The following CHST9 variants were observed in gnomAD, a reference collection of about 807,000 sequenced individuals.
CHST9 encodes carbohydrate sulfotransferase 9.
A neutral mutation model predicts 44.4 loss-of-function variants in CHST9; 41 were observed. The observed-to-expected ratio is 0.92, with a 90% CI of 0.72 to 1.20. CHST9 has a LOEUF of 1.20. Ranked by LOEUF, CHST9 falls within the 50% of genes most tolerant of loss-of-function variation. CHST9 has a pLI of 0.00. For missense variants in CHST9, 504 were observed against 516.5 expected (o/e 0.98, Z 0.23); for synonymous variants, 171 against 178.4 (o/e 0.96, Z 0.33).
intron 4 of CHST9, among the ~76,000 whole-genome samples, chr18:26,968,167 T>C (rs375608074): frequency 6.6e-6 from 1 of 152,182 alleles, no homozygotes; most frequent in East Asian, 1.9e-4. Context: ...TTCCTTCGTA[T>C]ATGCATCTAT....
At chr18:27,058,367 C>T (rs1052137373) in intron 2 of CHST9, among the ~76,000 whole-genome samples, 2 of 152,216 alleles carry the variant, frequency 1.3e-5, no homozygotes, top group Middle Eastern at 3.4e-3. Context: ...AATGTTTATT[C>T]ACTCCTGTGC....
At chr18:27,139,482 AACACAC>A (rs10547483) in intron 2 of CHST9, among the ~76,000 whole-genome samples, 1 of 150,186 alleles carries the variant, frequency 6.7e-6, no homozygotes, top group Non-Finnish European at 1.5e-5. Context: ...TGTTATTTGA[AACACAC>A]ACACACACAC....
At chr18:26,959,871 T>A (rs2145148432) in intron 4 of CHST9, among the ~76,000 whole-genome samples, 1 of 152,234 alleles carries the variant, frequency 6.6e-6, no homozygotes, top group Middle Eastern at 3.4e-3. Context: ...GGATGGGGGA[T>A]CCTGGCAAAG....
At chr18:27,062,973 A>C (rs1057330213) in intron 2 of CHST9, among the ~76,000 whole-genome samples, 1 of 152,118 alleles carries the variant, frequency 6.6e-6, no homozygotes, top group African/African-American at 2.4e-5. Flanking sequence ...CAGGGCTCTG[A>C]CACCTCACCT....
chr18:27,045,742 A>G (rs570186984), intron 3 of CHST9, among the ~76,000 whole-genome samples: 28 of 152,166 alleles, frequency 1.8e-4, no homozygotes, highest in Admixed American at 1.8e-3. Flanking sequence ...GAATGATACC[A>G]AGTGATACAT....
At chr18:27,141,547 TGCTATC>T (rs1386657005) in intron 2 of CHST9, among the ~76,000 whole-genome samples, 1 of 126,622 alleles carries the variant, frequency 7.9e-6, no homozygotes, top group Non-Finnish European at 1.5e-5. Flanking sequence ...GCCAAGATCA[TGCTATC>T]GCTCTCCAGC....
At chr18:26,950,815 A>G (rs1006442086) in intron 4 of CHST9, among the ~76,000 whole-genome samples, 10 of 152,198 alleles carry the variant, frequency 6.6e-5, no homozygotes, top group Non-Finnish European at 1.2e-4. Context: ...CAGAATCACC[A>G]CTGAAGAACT....
At chr18:26,945,531 G>A (rs2056149132) in intron 4 of CHST9, among the ~76,000 whole-genome samples, 1 of 152,166 alleles carries the variant, frequency 6.6e-6, no homozygotes, top group Admixed American at 6.6e-5. Context: ...GAGCCTTTAA[G>A]GATTGGCTTT....
chr18:27,031,358 C>T (rs9950362), intron 3 of CHST9, among the ~76,000 whole-genome samples: 196 of 152,270 alleles, frequency 1.3e-3, no homozygotes, highest in African/African-American at 4.4e-3. Flanking sequence ...CTTCTTCCTG[C>T]CATTCCGGCA....
At chr18:27,004,540 A>G (rs1194480418) in intron 4 of CHST9, among the ~76,000 whole-genome samples, 1 of 151,984 alleles carries the variant, frequency 6.6e-6, no homozygotes, top group Non-Finnish European at 1.5e-5. Flanking sequence ...CGATAAATGT[A>G]TTTTTTCCCT....
chr18:27,142,872 C>T lies in CHST9; in HGVS notation c.-63G>A, dbSNP rs529087131. On this transcript the variant is annotated 5_prime_UTR_variant, in exon 2 of 6. Coordinates refer to ENST00000618847, the MANE Select transcript of CHST9 (RefSeq NM_031422.6). ...TTTTCCCGTAAAACTTCAGTCTTTTCTTGTTCTCTAAGAGCCCAATTCCAT... is the reference window on the plus strand; with the variant it reads ...TTTTCCCGTAAAACTTCAGTCTTTTTTTGTTCTCTAAGAGCCCAATTCCAT... 7.2e-4 allele frequency: 1,092 copies of T among 1,521,434 alleles called. 2 individuals are homozygous for T. Among genetic ancestry groups the T allele is most frequent in the Middle Eastern group, 2.3e-3 (13 of 5,762 alleles). 94.2% of individuals were successfully genotyped at this position (1,521,434 alleles called of 1,614,324 possible).
At chr18:26,953,608 A>G (rs2056281566) in intron 4 of CHST9, among the ~76,000 whole-genome samples, 1 of 152,170 alleles carries the variant, frequency 6.6e-6, no homozygotes, top group Admixed American at 6.5e-5. Flanking sequence ...CTGTTGAAGA[A>G]ATGTTTGAAA....
chr18:26,925,132 A>G (rs1182431510), intron 5 of CHST9, among the ~76,000 whole-genome samples: 1 of 152,066 alleles, frequency 6.6e-6, no homozygotes, highest in Non-Finnish European at 1.5e-5. Flanking sequence ...GCATTAAAGG[A>G]CAAAAAAAAA....
intron 1 of CHST9, among the ~76,000 whole-genome samples, chr18:27,180,385 G>A (rs1176997536): frequency 6.6e-6 from 1 of 152,000 alleles, no homozygotes; most frequent in Non-Finnish European, 1.5e-5. Context: ...TGACTTTTGA[G>A]GATAATAAGG....
chr18:27,028,435 C>A (rs1227392555), intron 3 of CHST9, among the ~76,000 whole-genome samples: 3 of 152,092 alleles, frequency 2.0e-5, no homozygotes, highest in Non-Finnish European at 4.4e-5. Flanking sequence ...AGTTTACAGG[C>A]GGGCTAGAGG....
At chr18:27,173,028 T>A (rs2058844484) in intron 1 of CHST9, among the ~76,000 whole-genome samples, 1 of 152,088 alleles carries the variant, frequency 6.6e-6, no homozygotes, top group African/African-American at 2.4e-5. Flanking sequence ...TTATATCATA[T>A]GCTTTTACAG....
intron 4 of CHST9, among the ~76,000 whole-genome samples, chr18:26,954,248 A>G (rs900290665): frequency 6.6e-6 from 1 of 152,196 alleles, no homozygotes; most frequent in African/African-American, 2.4e-5. Context: ...GGACGAGGAA[A>G]TAGCTCAAGG....
chr18:27,025,680 G>T (rs1000572693), intron 3 of CHST9, among the ~76,000 whole-genome samples: 1 of 152,034 alleles, frequency 6.6e-6, no homozygotes, highest in African/African-American at 2.4e-5. Flanking sequence ...GTAAGTCACA[G>T]GTCCTTCAGT....
At chr18:27,177,540 C>T (rs2058878046) in intron 1 of CHST9, among the ~76,000 whole-genome samples, 1 of 151,834 alleles carries the variant, frequency 6.6e-6, no homozygotes, top group Non-Finnish European at 1.5e-5. Context: ...AAGTAAGTAT[C>T]GTTTCTTCAT....
Sources: allele counts gnomAD v4.1 joint callset (sites outside exome capture counted in the v4.1 genomes callset), GRCh38; gene constraint gnomAD v4.1.1; transcripts MANE v1.5; gene names NCBI Gene and HGNC (gene_info 2026-07-23, HGNC 2026-07-21).